The following POLA1 variants were observed in gnomAD, a reference collection of about 807,000 sequenced individuals.
POLA1 encodes the protein DNA polymerase alpha catalytic subunit.
In POLA1, 15 loss-of-function variants were observed where a neutral mutation model predicts 124.0. The ratio of observed to expected loss-of-function variants is 0.12; its 90% CI spans 0.08 to 0.19. The LOEUF (loss-of-function observed/expected upper bound fraction) is 0.19. POLA1 is among the 10% of genes least tolerant of loss of function. POLA1 has a pLI of 1.00. For synonymous variants in POLA1, 408 were observed against 389.4 expected (o/e 1.05, Z -0.56); for missense variants, 886 against 1,103.4 (o/e 0.80, Z 2.79).
In POLA1 at chrX:24,731,741, C is replaced by T. The variant is rs958969480; in HGVS notation, c.1687-629C>T. ...ATTTGGCCCAAGGTGTTAATAGCTCCATGATTGAGAAACCCAGTTTTAGAG... is the reference window on the plus strand; with the variant it reads ...ATTTGGCCCAAGGTGTTAATAGCTCTATGATTGAGAAACCCAGTTTTAGAG... On this transcript the variant is annotated intron_variant, in intron 15 of 36. Coordinates refer to ENST00000379068, the MANE Select transcript of POLA1 (RefSeq NM_001330360.2). Among the ~76,000 whole-genome samples the T allele has an allele frequency of 6.3e-5, 7 of 110,442 alleles. No homozygotes were observed. The East Asian group carries it at 2.0e-3, about 32-fold the overall frequency.
intron 31 of POLA1, among the ~76,000 whole-genome samples, chrX:24,822,702 A>T (rs1456642072): frequency 8.9e-6 from 1 of 112,331 alleles, no homozygotes; most frequent in Non-Finnish European, 1.9e-5. Context: ...TGACTCGCTC[A>T]AGCCCTTAAT....
At chrX:24,756,193 T>C (rs1932590244) in intron 26 of POLA1, among the ~76,000 whole-genome samples, 1 of 111,669 alleles carries the variant, frequency 9.0e-6, no homozygotes. Flanking sequence ...GTAGCAGATA[T>C]AGTCAGTGAA....
intron 23 of POLA1, among the ~76,000 whole-genome samples, chrX:24,744,808 G>A (rs1227165948): frequency 9.3e-6 from 1 of 107,915 alleles, no homozygotes; most frequent in Non-Finnish European, 1.9e-5. Flanking sequence ...AAAATTAGCC[G>A]AGCACGGTGT....
At chrX:24,810,945 G>A (rs1437990508) in intron 28 of POLA1, 145 bp downstream of exon 28, 5 of 383,973 alleles carry the variant, frequency 1.3e-5, no homozygotes, top group Non-Finnish European at 1.8e-5. Context: ...CTATTTTTCT[G>A]TCTTTCTTTA....
At chrX:24,765,724 A>G (rs1314884518) in intron 26 of POLA1, among the ~76,000 whole-genome samples, 2 of 111,970 alleles carry the variant, frequency 1.8e-5, no homozygotes, top group African/African-American at 6.5e-5. Flanking sequence ...AAATATACCC[A>G]TGTGCCAATT....
chrX:24,821,118 TAACTC>T (rs922827285), intron 30 of POLA1, among the ~76,000 whole-genome samples: 2 of 112,190 alleles, frequency 1.8e-5, no homozygotes, highest in Non-Finnish European at 3.8e-5. Flanking sequence ...ACTGATCAGT[TAACTC>T]AGTGAGATAA....
At chrX:24,701,490 C>T (rs1432500106) in intron 2 of POLA1, among the ~76,000 whole-genome samples, 10 of 102,642 alleles carry the variant, frequency 9.7e-5, no homozygotes, top group East Asian at 3.0e-4. Flanking sequence ...GGCTGGAGTG[C>T]GATGGCATGA....
At chrX:24,892,767 C>T (rs745599447) in intron 35 of POLA1, among the ~76,000 whole-genome samples, 24 of 112,028 alleles carry the variant, frequency 2.1e-4, no homozygotes, top group Non-Finnish European at 3.6e-4. Flanking sequence ...AATAATCTGT[C>T]GAAACTGTAT....
chrX:24,867,605 T>C (rs1370379481), intron 34 of POLA1, among the ~76,000 whole-genome samples: 3 of 112,090 alleles, frequency 2.7e-5, no homozygotes, highest in Admixed American at 9.5e-5. Context: ...TGCTCTTTTT[T>C]AAAGCATTAA....
intron 32 of POLA1, among the ~76,000 whole-genome samples, chrX:24,836,284 TG>T (rs758685217): frequency 8.9e-6 from 1 of 112,384 alleles, no homozygotes; most frequent in East Asian, 2.8e-4. Context: ...ACCTATGAGT[TG>T]TTTCCACATT....
At chrX:24,704,512 A>G (rs760456711) in intron 4 of POLA1, 43 bp downstream of exon 4, 18 of 896,265 alleles carry the variant, frequency 2.0e-5, no homozygotes, top group Non-Finnish European at 2.8e-5. Flanking sequence ...TGAGATTTAA[A>G]GAATTCTCTA....
At chrX:24,697,133 T>C (rs1294588820) in intron 1 of POLA1, among the ~76,000 whole-genome samples, 1 of 111,489 alleles carries the variant, frequency 9.0e-6, no homozygotes, top group African/African-American at 3.3e-5. Flanking sequence ...TTGCTTTACT[T>C]GACTGGGGGC....
chrX:24,949,188 A>G (rs2048003014), intron 36 of POLA1, among the ~76,000 whole-genome samples: 1 of 112,337 alleles, frequency 8.9e-6, no homozygotes, highest in African/African-American at 3.2e-5. Context: ...GTCGCATAGT[A>G]GCAGCCACAA....
At chrX:24,850,557 C>T (rs1275422883) in intron 34 of POLA1, among the ~76,000 whole-genome samples, 1 of 111,503 alleles carries the variant, frequency 9.0e-6, no homozygotes, top group Non-Finnish European at 1.9e-5. Context: ...GACATGAACC[C>T]GGTTTGGGGA....
At chrX:24,926,381 G>C (rs1004829322) in intron 35 of POLA1, among the ~76,000 whole-genome samples, 3 of 111,309 alleles carry the variant, frequency 2.7e-5, no homozygotes, top group African/African-American at 9.8e-5. Context: ...CTTGCTCTGC[G>C]TACTGATCAC....
intron 31 of POLA1, among the ~76,000 whole-genome samples, chrX:24,824,535 C>T (rs2046142683): frequency 9.7e-6 from 1 of 103,309 alleles, no homozygotes; most frequent in African/African-American, 3.6e-5. Context: ...TGTTGAACTC[C>T]TGGGCTCAAG....
chrX:24,710,094 T>C (rs1446826986), intron 4 of POLA1, among the ~76,000 whole-genome samples: 8 of 94,854 alleles, frequency 8.4e-5, no homozygotes, highest in Non-Finnish European at 2.1e-5. Flanking sequence ...AGCCGCTGCC[T>C]CCCGGGCGGC....
intron 36 of POLA1, among the ~76,000 whole-genome samples, chrX:24,945,335 G>A (rs1310479188): frequency 8.9e-6 from 1 of 112,317 alleles, no homozygotes; most frequent in East Asian, 2.8e-4. Flanking sequence ...TCTGCAGCCT[G>A]TCATTGACCA....
At chrX:24,708,191 A>C (rs1265974301) in intron 4 of POLA1, among the ~76,000 whole-genome samples, 1 of 110,909 alleles carries the variant, frequency 9.0e-6, no homozygotes. Context: ...CTTCCTTGCT[A>C]TTCAAACCTC....
Sources: allele counts gnomAD v4.1 joint callset (sites outside exome capture counted in the v4.1 genomes callset), GRCh38; gene constraint gnomAD v4.1.1; transcripts MANE v1.5; gene names NCBI Gene and HGNC (gene_info 2026-07-23, HGNC 2026-07-21).